The following TANC2 variants were observed in gnomAD, a reference collection of about 807,000 sequenced individuals.
TANC2 encodes protein TANC2.
In TANC2, 26 loss-of-function variants were observed where a neutral mutation model predicts 210.5. That is an observed-to-expected ratio of 0.12 (90% CI 0.09 to 0.17). The LOEUF (loss-of-function observed/expected upper bound fraction) is 0.17, where lower values mean the gene tolerates loss of function less well. Among genes scored for constraint, TANC2 ranks in the 10% least tolerant of loss-of-function variants. The probability of loss-of-function intolerance (pLI) is 1.00; values close to 1 mark genes in which losing one functional copy is unlikely to be tolerated. For synonymous variants in TANC2, 931 were observed against 967.1 expected (o/e 0.96, Z 0.69); for missense variants, 2,129 against 2,608.9 (o/e 0.82, Z 4.01).
exon 7 of TANC2, chr17:63,200,791 G>A (rs1215527106): frequency 6.2e-7 from 1 of 1,613,252 alleles, no homozygotes; most frequent in South Asian, 1.1e-5. Flanking sequence ...TCACCCAGCG[G>A]ATAAGTCCTT....
At chr17:63,134,189 C>A (rs1235507340) in intron 4 of TANC2, among the ~76,000 whole-genome samples, 1 of 151,966 alleles carries the variant, frequency 6.6e-6, no homozygotes, top group Non-Finnish European at 1.5e-5. Flanking sequence ...GAGTAAATTA[C>A]TTCTTGTAAT....
chr17:63,089,289 C>T (rs2144788588), intron 3 of TANC2: 1 of 152,330 alleles, frequency 6.6e-6, no homozygotes, highest in East Asian at 1.9e-4. Context: ...CTAGGGGCTA[C>T]CCTAATACCC....
chr17:63,258,372 A>T (rs546011138), intron 8 of TANC2, among the ~76,000 whole-genome samples: 1 of 152,062 alleles, frequency 6.6e-6, no homozygotes, highest in Non-Finnish European at 1.5e-5. Context: ...TTTTACTTGA[A>T]TGTTAATATA....
intron 9 of TANC2, among the ~76,000 whole-genome samples, chr17:63,275,471 G>A (rs959750881): frequency 4.6e-5 from 7 of 152,030 alleles, no homozygotes; most frequent in South Asian, 2.1e-4. Flanking sequence ...TATGAGTCCC[G>A]TACTGTTCTG....
chr17:63,374,022 G>A (rs1056112707), intron 14 of TANC2, among the ~76,000 whole-genome samples: 18 of 131,284 alleles, frequency 1.4e-4, no homozygotes, highest in African/African-American at 5.0e-4. Context: ...TGATTTTTCA[G>A]TTGTTGTTGG....
At chr17:63,368,699 G>T (rs2047178546) in intron 14 of TANC2, among the ~76,000 whole-genome samples, 1 of 152,142 alleles carries the variant, frequency 6.6e-6, no homozygotes, top group Non-Finnish European at 1.5e-5. Flanking sequence ...AGAATACTTT[G>T]CATAGAATGA....
Position 62,998,686 on chromosome 17 carries a change from T to C in TANC2, c.-23-10851T>C, listed in dbSNP as rs374495897. On this transcript the variant is annotated intron_variant, in intron 1 of 27. Transcript: ENST00000689528. ...TAAGTGAAGGAGAAATAAGATCCTT[T>C]GCAGATAAGCAATTGCCAAGGGAAT... is the stretch of plus-strand genomic sequence containing the variant. Among the ~76,000 whole-genome samples the C allele has an allele frequency of 4.6e-5, 7 of 152,334 alleles. No individual in the cohort carries two copies. In the South Asian group the frequency reaches 1.0e-3, roughly 23 times the overall value.
At position 63,169,816 on chromosome 17, in the gene TANC2, A is replaced by C. The variant is rs182874004; in HGVS notation, c.433+18436A>C. Among the ~76,000 whole-genome samples, 1,294 of 151,532 alleles carry C rather than the reference A, an allele frequency of 8.5e-3. 15 individuals carry two copies. The highest frequency in any genetic ancestry group is 0.029 in the African/African-American group (1,185 of 41,334). On this transcript the variant is annotated intron_variant, in intron 5 of 27. Coordinates refer to ENST00000689528, the Ensembl canonical transcript of TANC2. Reference sequence around the variant, plus strand: ...CAACAAAGTGAGACTCCATCTCAAAAAATAATAATAATAATAATAATTTTA... The same window carrying C: ...CAACAAAGTGAGACTCCATCTCAAACAATAATAATAATAATAATAATTTTA...
chr17:63,415,512 C>G lies in TANC2; in HGVS notation c.4021-16C>G, dbSNP rs1449962006. 1 of 1,612,618 alleles carries G rather than the reference C, an allele frequency of 6.2e-7. No individual in the cohort carries two copies. The highest frequency in any genetic ancestry group is 8.5e-7 in the Non-Finnish European group (1 of 1,179,342). ...GCAGACCAACTGTGTGTTTCGCCAT[C>G]TTGTGCTCCCATTAGAAAGGTAAAG... On this transcript the variant is annotated splice_polypyrimidine_tract_variant and intron_variant, in intron 25 of 27. Transcript: ENST00000689528.
intron 3 of TANC2, among the ~76,000 whole-genome samples, chr17:63,085,687 GTA>G (rs1391237446): frequency 1.3e-5 from 2 of 151,782 alleles, no homozygotes; most frequent in African/African-American, 2.4e-5. Flanking sequence ...ATGTGTGTCT[GTA>G]TGTGTGTGTG....
chr17:62,988,292 TAAC>T (rs1424277999), intron 1 of TANC2, among the ~76,000 whole-genome samples: 1 of 124,368 alleles, frequency 8.0e-6, no homozygotes, highest in African/African-American at 3.5e-5. Flanking sequence ...CACACCTGGC[TAAC>T]TTTTTTTTTT....
intron 2 of TANC2, among the ~76,000 whole-genome samples, chr17:63,022,725 A>G (rs1210856070): frequency 6.6e-6 from 1 of 152,088 alleles, no homozygotes; most frequent in African/African-American, 2.4e-5. Flanking sequence ...GGAGGGCAGA[A>G]TGGCTTTAGG....
chr17:63,259,964 G>A (rs1420326176), intron 8 of TANC2, among the ~76,000 whole-genome samples: 1 of 152,106 alleles, frequency 6.6e-6, no homozygotes, highest in African/African-American at 2.4e-5. Context: ...CAAGCGCAGA[G>A]AGCTGTGATT....
chr17:63,135,351 A>G (rs1332275310), intron 4 of TANC2, among the ~76,000 whole-genome samples: 1 of 152,206 alleles, frequency 6.6e-6, no homozygotes, highest in Non-Finnish European at 1.5e-5. Context: ...CTATTTTGAG[A>G]TATTTATTGA....
intron 9 of TANC2, among the ~76,000 whole-genome samples, chr17:63,272,471 A>G (rs899089716): frequency 6.6e-6 from 1 of 151,958 alleles, no homozygotes; most frequent in Admixed American, 6.6e-5. Flanking sequence ...TTTTAAAATA[A>G]TTTTTTCTGG....
rs183346615 is a variant in TANC2 at position 63,296,687 on chromosome 17, T to A, written c.1160-17701T>A. ...GGATGAAAGGATACCAGGAGAACAA[T>A]TTATGAGCAAATAGAGTATATCAAC... On this transcript the variant is annotated intron_variant, in intron 9 of 27. Transcript: ENST00000689528. 2.0e-5 allele frequency among the ~76,000 whole-genome samples: 3 copies of A among 152,198 alleles called. No homozygotes were observed. The East Asian group carries it at 5.8e-4, about 29-fold the overall frequency.
chr17:63,149,785 A>C (rs748431090), intron 4 of TANC2: 1 of 152,170 alleles, frequency 6.6e-6, no homozygotes, highest in Non-Finnish European at 1.5e-5. Context: ...TTTTAAAAAC[A>C]GGCTCAAGTC....
At chr17:63,271,436 C>CTTTTTTTTTTTTT (rs58847076) in intron 9 of TANC2, among the ~76,000 whole-genome samples, 1 of 141,820 alleles carries the variant, frequency 7.1e-6, no homozygotes, top group Non-Finnish European at 1.5e-5. Flanking sequence ...AGCTCTTTTT[C>CTTTTTTTTTTTTT]TTTTTTTTTT....
intron 4 of TANC2, among the ~76,000 whole-genome samples, chr17:63,103,104 C>G (rs1482881983): frequency 1.3e-5 from 2 of 148,222 alleles, no homozygotes; most frequent in Admixed American, 6.6e-5. Flanking sequence ...GGGACAGCCA[C>G]ATAGGTTTTC....
Sources: allele counts gnomAD v4.1 joint callset (sites outside exome capture counted in the v4.1 genomes callset), GRCh38; gene constraint gnomAD v4.1.1; transcripts MANE v1.5; gene names NCBI Gene and HGNC (gene_info 2026-07-23, HGNC 2026-07-21).